The following SLCO1C1 variants were observed in gnomAD, a reference collection of about 807,000 sequenced individuals.
The protein encoded by SLCO1C1 is OAT-RP-5.
SLCO1C1 carries 70 observed loss-of-function variants against 76.4 expected under a neutral mutation model. The ratio of observed to expected loss-of-function variants is 0.92; its 90% CI spans 0.76 to 1.12. The LOEUF is 1.12. Among genes scored for constraint, SLCO1C1 ranks in the 50% most tolerant of loss-of-function variants. SLCO1C1 has a pLI of 0.00. For missense variants in SLCO1C1, 912 were observed against 823.8 expected (o/e 1.11, Z -1.31); for synonymous variants, 306 against 286.1 (o/e 1.07, Z -0.70).
At chr12:20,742,698 TA>T (rs2120894734) in intron 12 of SLCO1C1, among the ~76,000 whole-genome samples, 1 of 71,694 alleles carries the variant, frequency 1.4e-5, no homozygotes, top group African/African-American at 3.6e-5. Flanking sequence ...CATGCCCAGC[TA>T]ATTTTTTTTT....
chr12:20,706,253 C>T (rs1296956424), intron 4 of SLCO1C1, among the ~76,000 whole-genome samples, 172 bp downstream of exon 4: 1 of 151,880 alleles, frequency 6.6e-6, no homozygotes, highest in Non-Finnish European at 1.5e-5. Flanking sequence ...TTTCTTCTGA[C>T]AATAAACTGT....
chr12:20,719,727 T>A (rs1947559350), intron 7 of SLCO1C1, among the ~76,000 whole-genome samples: 1 of 152,146 alleles, frequency 6.6e-6, no homozygotes, highest in African/African-American at 2.4e-5. Flanking sequence ...AGAAGAAAAG[T>A]TTGAAGCTGG....
chr12:20,747,532 C>G (rs1344468885), intron 13 of SLCO1C1, among the ~76,000 whole-genome samples: 1 of 152,124 alleles, frequency 6.6e-6, no homozygotes, highest in Non-Finnish European at 1.5e-5. Flanking sequence ...TTATATCATT[C>G]TGTCTGCTTT....
rs1203590178 is a variant in SLCO1C1 at position 20,715,175 on chromosome 12, A to C, written c.566A>C (p.Tyr189Ser). Residue 189 changes from tyrosine to serine, a missense_variant, in exon 6 of 15, where the codon TAT (tyrosine) becomes TCT (serine). Coordinates refer to ENST00000266509, the MANE Select transcript of SLCO1C1 (RefSeq NM_017435.5). ...EVDTSSSMWI[Y>S]VFLGNLLRGI... The stretch of plus-strand genomic sequence containing the variant: ...GACACTAGCTCTTCCATGTGGATTT[A>C]TGTTTTCCTGGGCAATCTTCTTCGT... The C allele has an allele frequency of 6.2e-7, 1 of 1,614,048 alleles. No individual in the cohort carries two copies. The highest frequency in any genetic ancestry group is 2.2e-5 in the East Asian group (1 of 44,860).
intron 9 of SLCO1C1, among the ~76,000 whole-genome samples, chr12:20,732,114 A>G (rs1033661886): frequency 2.0e-5 from 3 of 152,182 alleles, no homozygotes; most frequent in African/African-American, 7.2e-5. Flanking sequence ...TACAGCTCAC[A>G]GTTATTAGAT....
At chr12:20,747,438 T>C (rs1161096913) in intron 13 of SLCO1C1, among the ~76,000 whole-genome samples, 1 of 151,164 alleles carries the variant, frequency 6.6e-6, no homozygotes, top group Non-Finnish European at 1.5e-5. Flanking sequence ...CAAAAAAAAA[T>C]AGAGTTCAGA....
intron 11 of SLCO1C1, among the ~76,000 whole-genome samples, chr12:20,738,397 A>G (rs1473834510): frequency 2.0e-5 from 3 of 152,118 alleles, no homozygotes; most frequent in Non-Finnish European, 4.4e-5. Flanking sequence ...AGGGCAGAAA[A>G]TTAGACCACC....
In SLCO1C1 at chr12:20,729,468, G is replaced by A. The variant is rs118055918; in HGVS notation, c.1187-3441G>A. Among the ~76,000 whole-genome samples the A allele has an allele frequency of 2.0e-5, 3 of 152,098 alleles. No homozygotes were observed. In the East Asian group the frequency reaches 5.8e-4, roughly 30 times the overall value. The stretch of plus-strand genomic sequence containing the variant: ...CTTCCTTTGAGGGTTTGGTTGGAGG[G>A]TGCGATACATAAACTGAAAAAGCTA... On this transcript the variant is annotated intron_variant, in intron 9 of 14. Transcript: ENST00000266509.
In SLCO1C1 at chr12:20,733,968, TA is replaced by T. The variant is rs553268571; in HGVS notation, c.1382+871del. Among the ~76,000 whole-genome samples, 658 of 152,246 alleles carry T rather than the reference TA, an allele frequency of 4.3e-3. 4 individuals carry two copies. Among genetic ancestry groups the T allele is most frequent in the Middle Eastern group, 0.014 (4 of 294 alleles). ...ACCTATATATGCATTATTTGTTTTCTAAAAAAATTATCGAGTCTCCATCATG... is the reference window on the plus strand; with the variant it reads ...ACCTATATATGCATTATTTGTTTTCTAAAAAATTATCGAGTCTCCATCATG... On this transcript the variant is annotated intron_variant, in intron 10 of 14. Coordinates refer to ENST00000266509, the MANE Select transcript of SLCO1C1 (RefSeq NM_017435.5).
chr12:20,751,743 C>T lies in SLCO1C1; in HGVS notation c.1917-563C>T, dbSNP rs118010912. ...AGAATGAGACATTCAACCTGTTCTTCCATACCTTAGCATCTTCTGACAAAG... is the reference window on the plus strand; with the variant it reads ...AGAATGAGACATTCAACCTGTTCTTTCATACCTTAGCATCTTCTGACAAAG... On this transcript the variant is annotated intron_variant, in intron 14 of 14. Transcript: ENST00000266509. Among the ~76,000 whole-genome samples the T allele has an allele frequency of 1.4e-3, 208 of 152,216 alleles. 1 individual carries two copies. Among genetic ancestry groups the T allele is most frequent in the Non-Finnish European group, 2.0e-3 (139 of 67,976 alleles).
chr12:20,725,327 GTAT>G (rs1396283937), intron 9 of SLCO1C1, among the ~76,000 whole-genome samples: 2 of 132,406 alleles, frequency 1.5e-5, no homozygotes, highest in Non-Finnish European at 3.2e-5. Context: ...CTATAAGATA[GTAT>G]TATATGCTAT....
At chr12:20,720,942 G>T (rs1057465427) in intron 7 of SLCO1C1, among the ~76,000 whole-genome samples, 1 of 149,752 alleles carries the variant, frequency 6.7e-6, no homozygotes, top group Non-Finnish European at 1.5e-5. Flanking sequence ...GGTTGTGGTG[G>T]GCCGAGATCG....
chr12:20,742,303 G>T (rs1445636420), intron 12 of SLCO1C1, among the ~76,000 whole-genome samples: 1 of 149,724 alleles, frequency 6.7e-6, no homozygotes, highest in East Asian at 2.0e-4. Flanking sequence ...ATGTCAGAAG[G>T]ACTCCCTTGG....
Position 20,733,069 on chromosome 12 carries a change from T to C in SLCO1C1, c.1347T>C (p.Asn449=). ...FLSLFALGCE[N]SDVAGLTVSY... ...CCCTGTTTGCACTGGGCTGTGAAAA[T>C]TCTGATGTGGCAGGACTAACTGTCT... is the stretch of plus-strand genomic sequence containing the variant. Residue 449 remains asparagine, a synonymous_variant, in exon 10 of 15, where the codon AAT becomes AAC. Transcript: ENST00000266509. 1 of 1,605,706 alleles carries C rather than the reference T, an allele frequency of 6.2e-7. No homozygotes were observed.
At chr12:20,737,007 C>G (rs918502749) in intron 10 of SLCO1C1, 100 bp from the exon 11 acceptor site, 1 of 1,055,112 alleles carries the variant, frequency 9.5e-7, no homozygotes, top group Non-Finnish European at 1.2e-6. Context: ...AAATTTTGTT[C>G]ATAGTATCAT....
intron 9 of SLCO1C1, among the ~76,000 whole-genome samples, chr12:20,725,682 A>C (rs1267758694): frequency 6.7e-6 from 1 of 150,026 alleles, no homozygotes; most frequent in Non-Finnish European, 1.5e-5. Flanking sequence ...GCAGTTGCTA[A>C]GTCAGAGGGA....
chr12:20,740,451 C>A, intron 12 of SLCO1C1, 83 bp downstream of exon 12: 2 of 1,242,158 alleles, frequency 1.6e-6, no homozygotes, highest in Non-Finnish European at 2.3e-6. Context: ...TCTGTGGAGT[C>A]TATGATTCCT....
chr12:20,719,852 T>C (rs1947569846), intron 7 of SLCO1C1, among the ~76,000 whole-genome samples: 1 of 152,216 alleles, frequency 6.6e-6, no homozygotes, highest in Non-Finnish European at 1.5e-5. Context: ...AATATTTAAC[T>C]AGGATTATTG....
At chr12:20,704,661 C>T (rs531030683) in intron 3 of SLCO1C1, among the ~76,000 whole-genome samples, 2 of 151,766 alleles carry the variant, frequency 1.3e-5, no homozygotes, top group Admixed American at 6.6e-5. Flanking sequence ...ACAAAAATTA[C>T]TGCTTTATTT....
Sources: allele counts gnomAD v4.1 joint callset (sites outside exome capture counted in the v4.1 genomes callset), GRCh38; gene constraint gnomAD v4.1.1; transcripts MANE v1.5; gene names NCBI Gene and HGNC (gene_info 2026-07-23, HGNC 2026-07-21).